The following AMPD1 variants were observed in gnomAD, a reference collection of about 807,000 sequenced individuals.
The protein encoded by AMPD1 is AMP deaminase 1.
AMPD1 carries 74 observed loss-of-function variants against 82.9 expected under a neutral mutation model. That is an observed-to-expected ratio of 0.89 (90% confidence interval 0.74 to 1.08). AMPD1 has a LOEUF of 1.08. AMPD1 is among the 50% of genes least tolerant of loss of function. AMPD1 has a pLI of 0.00. For missense variants in AMPD1, 881 were observed against 924.5 expected (o/e 0.95, Z 0.61); for synonymous variants, 333 against 320.5 (o/e 1.04, Z -0.42).
chr1:114,677,767 TCC>T (rs1658034790), intron 9 of AMPD1, 141 bp downstream of exon 9: 20 of 419,808 alleles, frequency 4.8e-5, no homozygotes, highest in Non-Finnish European at 8.4e-5. Flanking sequence ...GCTCCCTCCC[TCC>T]CTCCCTTCCT....
At chr1:114,688,134 A>AT (rs908978022) in intron 3 of AMPD1, among the ~76,000 whole-genome samples, 19 of 147,998 alleles carry the variant, frequency 1.3e-4, no homozygotes, top group East Asian at 9.9e-4. Context: ...GGGAAAAGGA[A>AT]TTTTTTTTTT....
At chr1:114,690,860 A>G (rs1053704441) in intron 2 of AMPD1, among the ~76,000 whole-genome samples, 1 of 152,154 alleles carries the variant, frequency 6.6e-6, no homozygotes, top group Non-Finnish European at 1.5e-5. Context: ...AGTTGGTTAT[A>G]AAGATGAGAA....
In AMPD1 at chr1:114,675,937, T is replaced by C; in HGVS notation, c.1455A>G (p.Pro485=). The C allele has an allele frequency of 1.2e-6, 2 of 1,614,078 alleles. No homozygotes were observed. The highest frequency in any genetic ancestry group is 1.7e-6 in the Non-Finnish European group (2 of 1,180,000). ...FGKMLENIFM[P]VFEATINPQA... ...GGGGGTTGATGGTGGCCTCAAACAC[T>C]GGCATGAAAATATTCTCCAGCATTT... is the stretch of plus-strand genomic sequence containing the variant. The change falls in exon 11 of 16, where the codon CCA becomes CCG. Residue 485 remains proline, a synonymous_variant. Transcript: ENST00000520113.
At position 114,688,523 on chromosome 1, in the gene AMPD1, GGT is replaced by G. The variant is rs767439800; in HGVS notation, c.215+36_215+37del. On this transcript the variant is annotated intron_variant, in intron 3 of 15. Transcript: ENST00000520113. ...CTTCCCTGGCAGATACCCCTCCTTA[GGT>G]GCCAATATACTAAGCACTCCCCTTA... The G allele has an allele frequency of 2.5e-6, 4 of 1,607,448 alleles. No individual in the cohort carries two copies. The South Asian group carries it at 4.4e-5, about 18-fold the overall frequency.
intron 1 of AMPD1, among the ~76,000 whole-genome samples, chr1:114,693,967 C>G (rs558095138): frequency 1.3e-5 from 2 of 152,004 alleles, no homozygotes; most frequent in African/African-American, 4.8e-5. Flanking sequence ...TATGGGAGGC[C>G]GAGGCTGGCA....
chr1:114,686,771 G>A lies in AMPD1; in HGVS notation c.355C>T (p.Gln119Ter), dbSNP rs757945054. Residue 119 changes from glutamine (Q) to a stop codon, truncating the protein, a stop_gained, in exon 4 of 16, where the codon CAG becomes TAG. Transcript: ENST00000520113. LOFTEE classifies it high-confidence loss of function. Reference sequence around the variant, plus strand: ...CCAGAGGCATAGTCACCAGTAATCTGCACTCTCTGAAAATCAGGCACGGTC... The same window carrying A: ...CCAGAGGCATAGTCACCAGTAATCTACACTCTCTGAAAATCAGGCACGGTC... ...YQTVPDFQRVQITGDYASGVT... is the reference protein window; with the variant it reads ...YQTVPDFQRV 12 of 1,614,116 alleles carry A rather than the reference G, an allele frequency of 7.4e-6. No individual in the cohort carries two copies. The highest frequency in any genetic ancestry group is 1.0e-5 in the Non-Finnish European group (12 of 1,179,988).
intron 12 of AMPD1, 123 bp from the exon 13 acceptor site, chr1:114,674,995 G>T: frequency 1.6e-6 from 2 of 1,264,100 alleles, no homozygotes; most frequent in Non-Finnish European, 2.3e-6. Flanking sequence ...CAGCAAAACA[G>T]TCCCAAATCA....
At position 114,686,911 on chromosome 1, in the gene AMPD1, CT is replaced by C. The variant is rs1019132397; in HGVS notation, c.216-2del. On this transcript the variant is annotated splice_acceptor_variant, in intron 3 of 15. Coordinates refer to ENST00000520113, the MANE Select transcript of AMPD1 (RefSeq NM_000036.3). LOFTEE classifies it high-confidence loss of function. ...CTTCCGTCCTTGGAAACGCTTTTTT[CT>C]GGGTTCGAAATTTAAAAGTAAGAGT... The C allele has an allele frequency of 6.2e-7, 1 of 1,614,088 alleles. No homozygotes were observed. Among genetic ancestry groups the C allele is most frequent in the Admixed American group, 1.7e-5 (1 of 60,004 alleles).
intron 7 of AMPD1, 128 bp from the exon 8 acceptor site, chr1:114,678,655 G>C: frequency 2.3e-6 from 2 of 871,756 alleles, no homozygotes; most frequent in Non-Finnish European, 3.7e-6. Flanking sequence ...TGAGCTGACA[G>C]TTGGTGGAGG....
intron 13 of AMPD1, among the ~76,000 whole-genome samples, chr1:114,674,328 G>C (rs1234329633): frequency 1.3e-5 from 2 of 152,068 alleles, no homozygotes; most frequent in Non-Finnish European, 2.9e-5. Flanking sequence ...ATCTATAATG[G>C]CCTACGTTAG....
chr1:114,678,405 G>C lies in AMPD1; in HGVS notation c.1020C>G (p.Thr340=). ...TTAATTTAGCAAAAAGTTCCTTTAG[G>C]GTCAGATTCTTCTCTTTGGTGCTAT... The part of the protein sequence containing the change: ...VVYSTKEKNL[T]LKELFAKLKM... The change falls in exon 8 of 16, where the codon ACC becomes ACG. Residue 340 remains threonine, a synonymous_variant. Coordinates refer to ENST00000520113, the MANE Select transcript of AMPD1 (RefSeq NM_000036.3). The C allele has an allele frequency of 1.2e-6, 2 of 1,614,036 alleles. No homozygotes were observed. Among genetic ancestry groups the C allele is most frequent in the Non-Finnish European group, 1.7e-6 (2 of 1,180,006 alleles).
intron 13 of AMPD1, among the ~76,000 whole-genome samples, 178 bp from the exon 14 acceptor site, chr1:114,674,260 A>G (rs934922858): frequency 2.6e-5 from 4 of 152,192 alleles, no homozygotes; most frequent in African/African-American, 9.6e-5. Flanking sequence ...TTTAGAATAA[A>G]TGTACTTAGG....
In AMPD1 at chr1:114,693,449, T is replaced by A; in HGVS notation, c.23-2A>T. 1 of 1,609,090 alleles carries A rather than the reference T, an allele frequency of 6.2e-7. No homozygotes were observed. Among genetic ancestry groups the A allele is most frequent in the Non-Finnish European group, 8.5e-7 (1 of 1,175,746 alleles). ...TGCAATACTCACGTTTCTCTTCAGC[T>A]GTATGAAGTAAAATAAAACAAGATA... On this transcript the variant is annotated splice_acceptor_variant, in intron 1 of 15. Coordinates refer to ENST00000520113, the MANE Select transcript of AMPD1 (RefSeq NM_000036.3). LOFTEE classifies it high-confidence loss of function.
At position 114,684,546 on chromosome 1, in the gene AMPD1, T is replaced by C. The variant is rs1037805271; in HGVS notation, c.382-182A>G. 5.6e-5 allele frequency: 37 copies of C among 656,464 alleles called. 1 individual carries two copies. The South Asian group carries it at 6.5e-4, about 11-fold the overall frequency. 40.7% of individuals were successfully genotyped at this position (656,464 alleles called of 1,614,324 possible). On this transcript the variant is annotated intron_variant, in intron 4 of 15. Transcript: ENST00000520113. ...TGGATCTCCCTCCCAGAGCAGGTCC[T>C]GAAGCTTTTCTAGCTTCTTTATTTC...
At chr1:114,676,414 C>T (rs1028817821) in intron 10 of AMPD1, among the ~76,000 whole-genome samples, 1 of 152,144 alleles carries the variant, frequency 6.6e-6, no homozygotes, top group Non-Finnish European at 1.5e-5. Flanking sequence ...TTAATATATT[C>T]CAAGCACTCT....
intron 10 of AMPD1, 131 bp from the exon 11 acceptor site, chr1:114,676,134 T>A: frequency 9.1e-7 from 1 of 1,103,520 alleles, no homozygotes; most frequent in Non-Finnish European, 1.3e-6. Flanking sequence ...AGGTCCATGC[T>A]CCTCATACAT....
At chr1:114,675,471 T>C in intron 12 of AMPD1, 59 bp downstream of exon 12, 2 of 1,570,858 alleles carry the variant, frequency 1.3e-6, no homozygotes, top group South Asian at 2.2e-5. Context: ...TAATTGCCAA[T>C]ATATGTGGAA....
In AMPD1 at chr1:114,688,708, T is replaced by C; in HGVS notation, c.68A>G (p.Lys23Arg). 6.2e-7 allele frequency: 1 copy of C among 1,614,184 alleles called. No homozygotes were observed. Among genetic ancestry groups the C allele is most frequent in the South Asian group, 1.1e-5 (1 of 91,076 alleles). Residue 23 changes from lysine to arginine, a missense_variant, in exon 3 of 16, where the codon AAA (lysine) becomes AGA (arginine). Around this residue, in one of 2 missense-constraint regions of AMPD1, gnomAD observed 783 missense variants for 786.4 expected, o/e 1.00. Coordinates refer to ENST00000520113, the MANE Select transcript of AMPD1 (RefSeq NM_000036.3). ...IDDAMRNFAE[K>R]VFASEVKDEG... ...ATCTTTGACTTCAGAGGCAAACACT[T>C]TTTCAGCAAAGTTGCGCATTGCATC... is the stretch of plus-strand genomic sequence containing the variant.
chr1:114,681,596 A>G (rs1184435463), intron 5 of AMPD1, among the ~76,000 whole-genome samples: 2 of 147,162 alleles, frequency 1.4e-5, no homozygotes, highest in Admixed American at 1.4e-4. Context: ...TCCATCTCAA[A>G]AAAAAAAAAA....
Sources: gnomAD v4.1 joint callset for allele counts (sites outside exome capture counted in the v4.1 genomes callset) on GRCh38, gnomAD v4.1.1 for gene constraint, gnomAD v4.1.1 regional missense constraint, MANE v1.5 for transcripts, NCBI Gene and HGNC (gene_info 2026-07-23, HGNC 2026-07-21) for gene names.